Variants in BMP2K observed in about 807,000 individuals in gnomAD.
BMP2K encodes BMP2 inducible kinase, also known as BMP-2-inducible protein kinase.
A neutral mutation model predicts 116.0 loss-of-function variants in BMP2K; 74 were observed. That is an observed-to-expected ratio of 0.64 (90% CI 0.53 to 0.77). BMP2K has a LOEUF of 0.77. BMP2K is among the 30% of genes least tolerant of loss of function. The pLI is 0.00. For synonymous variants in BMP2K, 486 were observed against 502.5 expected, an observed-to-expected ratio of 0.97 and a Z score of 0.44; for missense variants, 1,365 against 1,403.6, an observed-to-expected ratio of 0.97 and a Z score of 0.44.
At position 78,859,606 on chromosome 4, in the gene BMP2K, G is replaced by A. The variant is rs117063609; in HGVS notation, c.906G>A (p.Pro302=). ...CLIRFMLEPD[P]EHRPDIFQVS... ...CAGGGTTCATGCTTGAACCAGATCCGGAACATAGACCTGATATATTTCAAG... is the reference window on the plus strand; with the variant it reads ...CAGGGTTCATGCTTGAACCAGATCCAGAACATAGACCTGATATATTTCAAG... The change falls in exon 8 of 16, where the codon CCG becomes CCA. Residue 302 remains proline (P), a synonymous_variant. Coordinates refer to ENST00000502613, the MANE Select transcript of BMP2K (RefSeq NM_198892.2). The A allele has an allele frequency of 3.2e-4, 507 of 1,609,196 alleles. 4 individuals are homozygous for A. In the East Asian group the frequency reaches 9.8e-3, roughly 31 times the overall value.
At chr4:78,864,451 T>C in intron 9 of BMP2K, among the ~76,000 whole-genome samples, 1 of 151,904 alleles carries the variant, frequency 6.6e-6, no homozygotes, top group South Asian at 2.1e-4. Context: ...TTTGGCCTAT[T>C]AGTTAAATTT....
At chr4:78,808,073 G>A (rs1323281930) in intron 1 of BMP2K, among the ~76,000 whole-genome samples, 3 of 149,164 alleles carry the variant, frequency 2.0e-5, no homozygotes, top group Non-Finnish European at 1.5e-5. Context: ...TTTTTTTTTC[G>A]AGATGGAGTC....
intron 1 of BMP2K, among the ~76,000 whole-genome samples, chr4:78,779,791 CATT>C (rs1418654339): frequency 2.6e-5 from 4 of 152,178 alleles, no homozygotes; most frequent in South Asian, 2.1e-4. Flanking sequence ...CTCTCTGAAA[CATT>C]ATATACTTTG....
At chr4:78,904,921 A>G (rs1011379775) in intron 15 of BMP2K, among the ~76,000 whole-genome samples, 5 of 151,918 alleles carry the variant, frequency 3.3e-5, no homozygotes, top group African/African-American at 1.2e-4. Flanking sequence ...GAATCTTTGA[A>G]AATTTGGTTC....
At chr4:78,790,288 T>G (rs1727935927) in intron 1 of BMP2K, among the ~76,000 whole-genome samples, 1 of 152,224 alleles carries the variant, frequency 6.6e-6, no homozygotes, top group African/African-American at 2.4e-5. Context: ...ATGGCATTAT[T>G]GTTTGGGTAT....
chr4:78,827,279 C>G (rs1036693869), intron 2 of BMP2K, among the ~76,000 whole-genome samples: 4 of 151,578 alleles, frequency 2.6e-5, no homozygotes, highest in Non-Finnish European at 5.9e-5. Flanking sequence ...TTTTTGTATT[C>G]CATTGCATAA....
In BMP2K at chr4:78,880,355, A is replaced by G. The variant is rs1449831321; in HGVS notation, c.1951+1464A>G. 2.0e-5 allele frequency among the ~76,000 whole-genome samples: 3 copies of G among 152,344 alleles called. No homozygotes were observed. The East Asian group carries it at 5.8e-4, about 29-fold the overall frequency. On this transcript the variant is annotated intron_variant, in intron 14 of 15. Transcript: ENST00000502613. Reference sequence around the variant, plus strand: ...CCAAAGTACTGGGATTACAGGCGTGAGCCACCATGCCCAGCTCTTTCAGAG... The same window carrying G: ...CCAAAGTACTGGGATTACAGGCGTGGGCCACCATGCCCAGCTCTTTCAGAG...
intron 7 of BMP2K, among the ~76,000 whole-genome samples, chr4:78,851,937 C>T (rs781194299): frequency 6.6e-6 from 1 of 151,952 alleles, no homozygotes; most frequent in African/African-American, 2.4e-5. Context: ...AACCCAAACT[C>T]ATAAATTAGA....
intron 1 of BMP2K, among the ~76,000 whole-genome samples, chr4:78,821,991 A>T (rs1192650386): frequency 6.6e-6 from 1 of 152,220 alleles, no homozygotes; most frequent in African/African-American, 2.4e-5. Flanking sequence ...TACAAGAAGA[A>T]GTTAGTCTGT....
chr4:78,862,417 A>G (rs2110047667), intron 9 of BMP2K, among the ~76,000 whole-genome samples: 2 of 152,126 alleles, frequency 1.3e-5, no homozygotes, highest in Non-Finnish European at 2.9e-5. Context: ...CTCTTCCTTG[A>G]ATGATGAATA....
chr4:78,872,180 A>G (rs928162917), intron 12 of BMP2K: 12 of 399,078 alleles, frequency 3.0e-5, no homozygotes, highest in South Asian at 5.2e-5. Context: ...ATGTCATTAT[A>G]TAAGGGAAAT....
chr4:78,854,359 T>C (rs1731400963), intron 7 of BMP2K, among the ~76,000 whole-genome samples: 1 of 151,902 alleles, frequency 6.6e-6, no homozygotes, highest in Non-Finnish European at 1.5e-5. Flanking sequence ...CTACAACCTC[T>C]GCCTCCCAGT....
intron 15 of BMP2K, among the ~76,000 whole-genome samples, chr4:78,900,607 C>T (rs138396671): frequency 4.3e-3 from 658 of 152,282 alleles, no homozygotes; most frequent in Non-Finnish European, 6.9e-3. Context: ...GTCAGCTGGC[C>T]TACCTTACTT....
chr4:78,850,789 T>A (rs1460616930), intron 6 of BMP2K, 135 bp from the exon 7 acceptor site: 4 of 779,524 alleles, frequency 5.1e-6, no homozygotes, highest in Non-Finnish European at 7.5e-6. Flanking sequence ...TATATTAATT[T>A]TTTTAAGAAA....
intron 1 of BMP2K, among the ~76,000 whole-genome samples, chr4:78,778,881 A>G (rs1283322751): frequency 6.6e-6 from 1 of 152,232 alleles, no homozygotes; most frequent in Non-Finnish European, 1.5e-5. Flanking sequence ...ACCACTGAGT[A>G]GGCAAAGCGG....
chr4:78,810,607 C>G (rs1729042951), intron 1 of BMP2K, among the ~76,000 whole-genome samples: 1 of 152,164 alleles, frequency 6.6e-6, no homozygotes, highest in African/African-American at 2.4e-5. Context: ...ACTGACAGGT[C>G]TAACAGTGAC....
At position 78,915,519 on chromosome 4, in the gene BMP2K, G is replaced by C. The variant is rs1420444435; in HGVS notation, c.*3486G>C. 2.0e-5 allele frequency: 3 copies of C among 151,540 alleles called. No homozygotes were observed. The highest frequency in any genetic ancestry group is 4.4e-5 in the Non-Finnish European group (3 of 67,780). 9.4% of individuals were successfully genotyped at this position (151,540 alleles called of 1,614,324 possible). ...TTATTTTAGGTCCAATTATTGAGTTGACAGTCTACTGTGAGAATGAGATGA... is the reference window on the plus strand; with the variant it reads ...TTATTTTAGGTCCAATTATTGAGTTCACAGTCTACTGTGAGAATGAGATGA... On this transcript the variant is annotated 3_prime_UTR_variant, in exon 16 of 16. Coordinates refer to ENST00000502613, the MANE Select transcript of BMP2K (RefSeq NM_198892.2).
rs1731831034 is a variant in BMP2K at position 78,862,183 on chromosome 4, A to G, written c.1067+715A>G. Among the ~76,000 whole-genome samples the G allele has an allele frequency of 2.0e-5, 3 of 152,120 alleles. No homozygotes were observed. In the South Asian group the frequency reaches 6.2e-4, roughly 31 times the overall value. Reference sequence around the variant, plus strand: ...TTATTTGTTTACACAATACAAAAATATATTTGTTCATATGCTTTTTATATG... The same window carrying G: ...TTATTTGTTTACACAATACAAAAATGTATTTGTTCATATGCTTTTTATATG... On this transcript the variant is annotated intron_variant, in intron 9 of 15. Coordinates refer to ENST00000502613, the MANE Select transcript of BMP2K (RefSeq NM_198892.2).
intron 5 of BMP2K, among the ~76,000 whole-genome samples, chr4:78,845,254 A>G (rs1371207834): frequency 6.6e-6 from 1 of 151,656 alleles, no homozygotes; most frequent in African/African-American, 2.4e-5. Context: ...TTTAGTCTAC[A>G]TTGTAAACAG....
Sources: gnomAD v4.1 joint callset for allele counts (sites outside exome capture counted in the v4.1 genomes callset) on GRCh38, gnomAD v4.1.1 for gene constraint, MANE v1.5 for transcripts, NCBI Gene and HGNC (gene_info 2026-07-23, HGNC 2026-07-21) for gene names.